The following GALNT13 variants were observed in gnomAD, a reference collection of about 807,000 sequenced individuals.
The protein encoded by GALNT13 is polypeptide N-acetylgalactosaminyltransferase 13.
GALNT13 carries 28 observed loss-of-function variants against 64.2 expected under a neutral mutation model. The observed-to-expected ratio is 0.44, with a 90% CI of 0.32 to 0.60. The LOEUF (loss-of-function observed/expected upper bound fraction) is 0.60. Ranked by LOEUF, GALNT13 falls within the 20% of genes least tolerant of loss-of-function variation. The pLI is 0.05. For missense variants in GALNT13, 577 were observed against 669.8 expected, an observed-to-expected ratio of 0.86 and a Z score of 1.53; for synonymous variants, 214 against 224.6, an observed-to-expected ratio of 0.95 and a Z score of 0.42.
chr2:154,149,491 G>A (rs984085339), intron 4 of GALNT13, among the ~76,000 whole-genome samples: 38 of 152,158 alleles, frequency 2.5e-4, no homozygotes, highest in African/African-American at 8.2e-4. Flanking sequence ...GATGGGGATG[G>A]CATTGAATCT....
At chr2:154,046,701 G>C (rs1436250791) in intron 3 of GALNT13, among the ~76,000 whole-genome samples, 1 of 152,102 alleles carries the variant, frequency 6.6e-6, no homozygotes, top group African/African-American at 2.4e-5. Context: ...GCTCAACAGG[G>C]TGGGGCCCTA....
the GALNT13 span, among the ~76,000 whole-genome samples, chr2:153,741,322 G>T: frequency 6.6e-6 from 1 of 151,430 alleles, no homozygotes; most frequent in East Asian, 1.9e-4. Context: ...AATATGCTTT[G>T]CCTTTCCATT....
rs1280672695 is a variant in GALNT13, at chr2:153,891,568, T to C, written c.-176-9368T>C. On this transcript the variant is annotated intron_variant, in intron 1 of 12. Transcript: ENST00000392825. ...GAGACATAAGTCACAGGGTTTAAAA[T>C]TGAAAAGGATCTCAAGGGCTGATTC... Among the ~76,000 whole-genome samples the C allele has an allele frequency of 2.0e-5, 3 of 152,114 alleles. No individual in the cohort carries two copies. The East Asian group carries it at 5.8e-4, about 29-fold the overall frequency.
At chr2:154,175,092 C>T (rs565564564) in intron 4 of GALNT13, among the ~76,000 whole-genome samples, 11 of 152,148 alleles carry the variant, frequency 7.2e-5, no homozygotes, top group African/African-American at 2.4e-4. Context: ...TTTGATTAGA[C>T]GGGTTATAAA....
At chr2:153,683,699 A>G in the GALNT13 span, among the ~76,000 whole-genome samples, 2 of 151,788 alleles carry the variant, frequency 1.3e-5, no homozygotes, top group African/African-American at 4.8e-5. Flanking sequence ...CTGAGTCCCA[A>G]GGAGGCTCTC....
chr2:153,612,611 G>A, the GALNT13 span, among the ~76,000 whole-genome samples: 1 of 150,418 alleles, frequency 6.6e-6, no homozygotes, highest in Non-Finnish European at 1.5e-5. Flanking sequence ...GTACATTCGA[G>A]GTTTTGTATC....
At chr2:154,354,939 T>TCAC (rs34183808) in intron 9 of GALNT13, among the ~76,000 whole-genome samples, 11 of 151,976 alleles carry the variant, frequency 7.2e-5, no homozygotes, top group African/African-American at 1.9e-4. Flanking sequence ...TCTCTGACAC[T>TCAC]AACTTTCTAC....
At chr2:153,372,948 G>A in the GALNT13 span, among the ~76,000 whole-genome samples, 4 of 152,054 alleles carry the variant, frequency 2.6e-5, no homozygotes, top group Non-Finnish European at 5.9e-5. Flanking sequence ...CTATTGCCTT[G>A]TTTTCTATTG....
the GALNT13 span, among the ~76,000 whole-genome samples, chr2:153,326,912 T>A: frequency 1.3e-5 from 2 of 152,002 alleles, no homozygotes; most frequent in African/African-American, 4.8e-5. Flanking sequence ...GGTGAAACCC[T>A]GTCTCTACTA....
the GALNT13 span, among the ~76,000 whole-genome samples, chr2:153,497,218 C>T: frequency 2.6e-5 from 4 of 151,982 alleles, no homozygotes; most frequent in African/African-American, 4.8e-5. Flanking sequence ...TTACATCTCA[C>T]GGAGCACTAA....
the GALNT13 span, among the ~76,000 whole-genome samples, chr2:153,469,333 C>T: frequency 6.6e-6 from 1 of 151,988 alleles, no homozygotes; most frequent in African/African-American, 2.4e-5. Flanking sequence ...TCCTACACAC[C>T]AGTCTTTATG....
intron 2 of GALNT13, among the ~76,000 whole-genome samples, chr2:153,922,537 T>A (rs1327396842): frequency 2.0e-5 from 3 of 152,298 alleles, no homozygotes; most frequent in Admixed American, 6.5e-5. Flanking sequence ...AAATAAACTA[T>A]AATTAGAAAA....
chr2:153,155,465 C>A, the GALNT13 span, among the ~76,000 whole-genome samples: 7 of 152,118 alleles, frequency 4.6e-5, no homozygotes, highest in East Asian at 1.4e-3. Flanking sequence ...GTGTTTGTAT[C>A]CAGGAATTTA....
At chr2:154,255,188 G>T (rs890517270) in intron 7 of GALNT13, among the ~76,000 whole-genome samples, 2 of 152,122 alleles carry the variant, frequency 1.3e-5, no homozygotes, top group Admixed American at 1.3e-4. Context: ...GATGTATTGT[G>T]CTATATACTT....
intron 9 of GALNT13, among the ~76,000 whole-genome samples, chr2:154,349,177 G>A (rs1696245926): frequency 6.6e-6 from 1 of 152,102 alleles, no homozygotes; most frequent in Non-Finnish European, 1.5e-5. Flanking sequence ...CAAGGAGAGA[G>A]CTATAAAGCA....
At chr2:154,125,425 T>C (rs1409314460) in intron 3 of GALNT13, among the ~76,000 whole-genome samples, 1 of 152,196 alleles carries the variant, frequency 6.6e-6, no homozygotes, top group African/African-American at 2.4e-5. Flanking sequence ...AACAAATACT[T>C]GTTGAATTGA....
intron 9 of GALNT13, among the ~76,000 whole-genome samples, chr2:154,309,602 C>G (rs1299011018): frequency 6.6e-6 from 1 of 152,140 alleles, no homozygotes; most frequent in East Asian, 1.9e-4. Flanking sequence ...CTAATCCAGT[C>G]TTGTGAGAGC....
At chr2:153,089,233 G>A in the GALNT13 span, among the ~76,000 whole-genome samples, 2 of 152,080 alleles carry the variant, frequency 1.3e-5, no homozygotes, top group African/African-American at 2.4e-5. Context: ...CACTTATGAG[G>A]CTTAGTTTTT....
intron 11 of GALNT13, 34 bp from the exon 12 acceptor site, chr2:154,438,558 A>G: frequency 6.5e-7 from 1 of 1,537,768 alleles, no homozygotes; most frequent in African/African-American, 1.4e-5. Context: ...TTTAAAACAT[A>G]CATTTTTTTT....
Sources: allele counts gnomAD v4.1 joint callset (sites outside exome capture counted in the v4.1 genomes callset), GRCh38; gene constraint gnomAD v4.1.1; transcripts MANE v1.5; gene names NCBI Gene and HGNC (gene_info 2026-07-23, HGNC 2026-07-21).